The following KSR1 variants were observed in gnomAD, a reference collection of about 807,000 sequenced individuals.
KSR1 encodes kinase suppressor of ras.
In KSR1, 35 loss-of-function variants were observed where a neutral mutation model predicts 92.9. The observed-to-expected ratio is 0.38, with a 90% CI of 0.29 to 0.50. The LOEUF is 0.50. Ranked by LOEUF, KSR1 falls within the 20% of genes least tolerant of loss-of-function variation. The pLI, the probability that KSR1 is intolerant of heterozygous loss-of-function variation, is 0.94. For synonymous variants in KSR1, 467 were observed against 472.6 expected (o/e 0.99, Z 0.15); for missense variants, 972 against 1,158.5 (o/e 0.84, Z 2.34).
chr17:27,621,922 T>A (rs1460666919), intron 20 of KSR1: 4 of 1,613,656 alleles, frequency 2.5e-6, no homozygotes, highest in South Asian at 1.1e-5. Flanking sequence ...TCTCTTTCCC[T>A]CTGTAGGTTG....
intron 1 of KSR1, among the ~76,000 whole-genome samples, chr17:27,509,476 A>G (rs530045154): frequency 2.4e-3 from 364 of 151,440 alleles, no homozygotes; most frequent in Non-Finnish European, 4.2e-3. Context: ...TTTTTAGGAG[A>G]GACGGGGTTT....
chr17:27,580,783 G>A (rs1410147500), intron 3 of KSR1, among the ~76,000 whole-genome samples: 1 of 152,084 alleles, frequency 6.6e-6, no homozygotes, highest in African/African-American at 2.4e-5. Context: ...CCTGAAACTG[G>A]ATTGGTTATT....
chr17:27,521,870 T>A lies in KSR1; in HGVS notation c.232-28698T>A, dbSNP rs556378449. On this transcript the variant is annotated intron_variant, in intron 1 of 20. Coordinates refer to ENST00000644974, the MANE Select transcript of KSR1 (RefSeq NM_001394583.1). Reference sequence around the variant, plus strand: ...AAGGCAGGCAGTTGGAATTATGATGTTGATGATAAAAATGTCTGCTTATCA... The same window carrying A: ...AAGGCAGGCAGTTGGAATTATGATGATGATGATAAAAATGTCTGCTTATCA... 3.5e-4 allele frequency among the ~76,000 whole-genome samples: 53 copies of A among 152,352 alleles called. 1 individual carries two copies. The highest frequency in any genetic ancestry group is 2.4e-3 in the Admixed American group (36 of 15,304).
intron 1 of KSR1, among the ~76,000 whole-genome samples, chr17:27,494,507 GGTCAGTGCCTTAAATGGACCCAGGGT>G (rs1340685197): frequency 6.6e-6 from 1 of 152,156 alleles, no homozygotes; most frequent in African/African-American, 2.4e-5. Context: ...TCACGTGCCT[GGTCAGTGCCTTAAATGGACCCAGGGT>G]GTCAGCCCCC....
Position 27,577,133 on chromosome 17 carries a change from G to A in KSR1, c.373-359G>A, listed in dbSNP as rs1488212305. On this transcript the variant is annotated intron_variant, in intron 2 of 20. Transcript: ENST00000644974. The surrounding 1 kb of genome is among the most constrained non-coding windows in gnomAD (Gnocchi z 4.5). ...GATTCAGATACAACAAAATTGTGAA[G>A]GGCCATCTTTGTCTGAAGTACTCGT... 2.6e-5 allele frequency among the ~76,000 whole-genome samples: 4 copies of A among 151,944 alleles called. No individual in the cohort carries two copies. The highest frequency in any genetic ancestry group is 9.7e-5 in the African/African-American group (4 of 41,352).
At chr17:27,466,433 C>G (rs997950057) in intron 1 of KSR1, among the ~76,000 whole-genome samples, 2 of 152,134 alleles carry the variant, frequency 1.3e-5, no homozygotes, top group Non-Finnish European at 2.9e-5. Context: ...GGAAACTTGC[C>G]GAGAGAGGTG....
chr17:27,604,243 C>T lies in KSR1; in HGVS notation c.1565+355C>T, dbSNP rs558806574. 9.2e-5 allele frequency among the ~76,000 whole-genome samples: 14 copies of T among 152,258 alleles called. No individual in the cohort carries two copies. In the East Asian group the frequency reaches 2.7e-3, roughly 29 times the overall value. The stretch of plus-strand genomic sequence containing the variant: ...TCACATTCCCGCATCTCACCCTCAG[C>T]GCGGTGGTAGGTATCAAAGTAGGTG... On this transcript the variant is annotated intron_variant, in intron 12 of 20. Coordinates refer to ENST00000644974, the MANE Select transcript of KSR1 (RefSeq NM_001394583.1).
intron 4 of KSR1, among the ~76,000 whole-genome samples, chr17:27,584,417 G>T (rs1057495905): frequency 1.3e-5 from 2 of 152,160 alleles, no homozygotes; most frequent in African/African-American, 2.4e-5. Context: ...AGGTGTCACC[G>T]ACCCTGCTGC....
At chr17:27,506,986 T>G (rs2069409239) in intron 1 of KSR1, among the ~76,000 whole-genome samples, 1 of 152,204 alleles carries the variant, frequency 6.6e-6, no homozygotes, top group Non-Finnish European at 1.5e-5. Context: ...TAGAACTTTC[T>G]GCAATAATTG....
At chr17:27,549,172 G>A (rs990649344) in intron 1 of KSR1, among the ~76,000 whole-genome samples, 5 of 152,236 alleles carry the variant, frequency 3.3e-5, no homozygotes, top group African/African-American at 7.2e-5. Flanking sequence ...ATGAGGGACA[G>A]CAGGGTTGAG....
intron 1 of KSR1, among the ~76,000 whole-genome samples, chr17:27,510,356 A>G (rs75542566): frequency 6.6e-6 from 1 of 152,074 alleles, no homozygotes; most frequent in Non-Finnish European, 1.5e-5. Flanking sequence ...CATCTCTAAA[A>G]GGGAGTGTTG....
chr17:27,602,909 A>T (rs1320664131), intron 11 of KSR1, among the ~76,000 whole-genome samples: 1 of 152,226 alleles, frequency 6.6e-6, no homozygotes, highest in African/African-American at 2.4e-5. Flanking sequence ...GGTTCAGATG[A>T]CCTTCAAAGG....
intron 19 of KSR1, among the ~76,000 whole-genome samples, chr17:27,617,940 C>T (rs1240655431): frequency 6.6e-6 from 1 of 152,106 alleles, no homozygotes; most frequent in Non-Finnish European, 1.5e-5. Context: ...TTGGAGACTC[C>T]CTTTGACAGG....
chr17:27,600,227 G>A lies in KSR1; in HGVS notation c.1469-1133G>A, dbSNP rs534995358. 8.6e-5 allele frequency among the ~76,000 whole-genome samples: 13 copies of A among 151,888 alleles called. No individual in the cohort carries two copies. In the East Asian group the frequency reaches 2.5e-3, roughly 29 times the overall value. ...AGGTGGGCGGATCACCTGAGATCAG[G>A]AGTTCAAGACCAGCCTGGCCAACAT... On this transcript the variant is annotated intron_variant, in intron 10 of 20. Coordinates refer to ENST00000644974, the MANE Select transcript of KSR1 (RefSeq NM_001394583.1).
At chr17:27,571,147 GT>G (rs1463580204) in intron 2 of KSR1, among the ~76,000 whole-genome samples, 4 of 152,294 alleles carry the variant, frequency 2.6e-5, no homozygotes, top group Middle Eastern at 3.4e-3. Flanking sequence ...CTGGGAGGGG[GT>G]TTTGTTTGCC....
chr17:27,555,973 C>T lies in KSR1; in HGVS notation c.372+5265C>T, dbSNP rs1407546111. Among the ~76,000 whole-genome samples the T allele has an allele frequency of 9.9e-5, 15 of 152,176 alleles. 1 individual carries two copies. Among genetic ancestry groups the T allele is most frequent in the Admixed American group, 9.8e-4 (15 of 15,274 alleles). On this transcript the variant is annotated intron_variant, in intron 2 of 20. Transcript: ENST00000644974. ...ATTTTCTGGCCCTCACATTCCTCTG[C>T]GTGTTGTCTCTTTTGTACACATGAG...
chr17:27,521,711 G>A (rs1010179994), intron 1 of KSR1, among the ~76,000 whole-genome samples: 4 of 152,222 alleles, frequency 2.6e-5, no homozygotes, highest in African/African-American at 9.6e-5. Context: ...GGGGATTGCA[G>A]GTGTGAGCCA....
chr17:27,482,001 A>G (rs1403571792), intron 1 of KSR1, among the ~76,000 whole-genome samples: 1 of 152,160 alleles, frequency 6.6e-6, no homozygotes, highest in Non-Finnish European at 1.5e-5. Context: ...TCATCCATCA[A>G]ATGAGGGCAA....
chr17:27,605,689 C>T lies in KSR1; in HGVS notation c.1870C>T (p.His624Tyr). ...CATTCGCCTGCTGGAGATGGACGGC[C>T]ACAACCAGGACCACCTGAAGCTCTT... ...VAIRLLEMDG[H>Y]NQDHLKLFKK... The change falls in exon 14 of 21, where the codon CAC becomes TAC. Residue 624 changes from histidine (H) to tyrosine (Y), a missense_variant. Around this residue, in one of 5 missense-constraint regions of KSR1, gnomAD observed 260 missense variants for 375.2 expected, o/e 0.69. Coordinates refer to ENST00000644974, the MANE Select transcript of KSR1 (RefSeq NM_001394583.1). The T allele has an allele frequency of 6.2e-7, 1 of 1,612,890 alleles. No individual in the cohort carries two copies. Among genetic ancestry groups the T allele is most frequent in the Non-Finnish European group, 8.5e-7 (1 of 1,179,850 alleles).
Sources: gnomAD v4.1 joint callset for allele counts (sites outside exome capture counted in the v4.1 genomes callset) on GRCh38, gnomAD v4.1.1 for gene constraint, gnomAD v4.1.1 regional missense constraint, Gnocchi (gnomAD v3.1) non-coding constraint, MANE v1.5 for transcripts, NCBI Gene and HGNC (gene_info 2026-07-23, HGNC 2026-07-21) for gene names.